SH3RF3: variants seen among roughly 807,000 people sequenced by gnomAD.
SH3RF3 encodes E3 ubiquitin-protein ligase SH3RF3.
A neutral mutation model predicts 66.3 loss-of-function variants in SH3RF3; 29 were observed. That is an observed-to-expected ratio of 0.44 (90% CI 0.33 to 0.60). The LOEUF is 0.60. SH3RF3 is among the 20% of genes least tolerant of loss of function. The probability of loss-of-function intolerance (pLI) is 0.04; values close to 1 mark genes in which losing one functional copy is unlikely to be tolerated. For missense variants in SH3RF3, 1,194 were observed against 1,190.9 expected (o/e 1.00, Z -0.04); for synonymous variants, 583 against 532.0 (o/e 1.10, Z -1.32).
At chr2:109,484,458 C>T (rs1017813023) in intron 8 of SH3RF3, among the ~76,000 whole-genome samples, 13 of 152,142 alleles carry the variant, frequency 8.5e-5, no homozygotes, top group African/African-American at 2.9e-4. Context: ...TTTACCTGTT[C>T]CACACCTCTG....
intron 1 of SH3RF3, among the ~76,000 whole-genome samples, chr2:109,211,824 G>A (rs1432522414): frequency 1.3e-5 from 2 of 152,002 alleles, no homozygotes; most frequent in East Asian, 1.9e-4. Flanking sequence ...TGTATTTTTA[G>A]GAGAGACAGG....
intron 1 of SH3RF3, among the ~76,000 whole-genome samples, chr2:109,247,752 A>C (rs1260109779): frequency 6.6e-6 from 1 of 152,190 alleles, no homozygotes; most frequent in African/African-American, 2.4e-5. Context: ...AGAAACCCAA[A>C]ACTTAGAGGC....
intron 1 of SH3RF3, 24 bp from the exon 2 acceptor site, chr2:109,347,650 C>A: frequency 6.2e-7 from 1 of 1,609,680 alleles, no homozygotes; most frequent in Non-Finnish European, 8.5e-7. Context: ...TGCCCGGTGA[C>A]CACATGCTGT....
At chr2:109,359,175 A>G (rs919642911) in intron 2 of SH3RF3, among the ~76,000 whole-genome samples, 2 of 152,032 alleles carry the variant, frequency 1.3e-5, no homozygotes, top group Non-Finnish European at 2.9e-5. Flanking sequence ...TGTCTTCATT[A>G]TTGTAACTTT....
intron 1 of SH3RF3, among the ~76,000 whole-genome samples, chr2:109,333,123 C>T (rs1682327927): frequency 6.6e-6 from 1 of 152,228 alleles, no homozygotes; most frequent in Non-Finnish European, 1.5e-5. Context: ...CCTCAGTTTC[C>T]AGCCCTAGCT....
chr2:109,444,532 T>C (rs1169710213), intron 7 of SH3RF3, among the ~76,000 whole-genome samples: 2 of 152,156 alleles, frequency 1.3e-5, no homozygotes. Context: ...GGATGGGCCA[T>C]ACTAAGCCTC....
At chr2:109,135,928 T>C (rs770766326) in intron 1 of SH3RF3, among the ~76,000 whole-genome samples, 23 of 152,162 alleles carry the variant, frequency 1.5e-4, no homozygotes, top group African/African-American at 4.6e-4. Context: ...GGGAGAATAA[T>C]CCTGCTCAGT....
intron 1 of SH3RF3, among the ~76,000 whole-genome samples, chr2:109,163,242 G>T (rs1677531530): frequency 6.6e-6 from 1 of 152,184 alleles, no homozygotes; most frequent in Non-Finnish European, 1.5e-5. Context: ...TTGGTGTGTG[G>T]TGTGTTGACT....
chr2:109,293,591 G>C (rs1037403676), intron 1 of SH3RF3, among the ~76,000 whole-genome samples: 1 of 152,238 alleles, frequency 6.6e-6, no homozygotes, highest in African/African-American at 2.4e-5. Context: ...GCCAACCTGG[G>C]AAGCCTCTTC....
chr2:109,379,493 TAA>T (rs1433166437), intron 3 of SH3RF3, among the ~76,000 whole-genome samples: 5 of 152,204 alleles, frequency 3.3e-5, no homozygotes, highest in Non-Finnish European at 7.3e-5. Context: ...CCGCTGCTTC[TAA>T]GAGTCAGGAC....
At chr2:109,331,451 C>T (rs1328197658) in intron 1 of SH3RF3, among the ~76,000 whole-genome samples, 1 of 152,030 alleles carries the variant, frequency 6.6e-6, no homozygotes, top group Non-Finnish European at 1.5e-5. Flanking sequence ...CTTCTCCCTG[C>T]CAGGAGCACT....
chr2:109,261,353 A>G (rs552588001), intron 1 of SH3RF3, among the ~76,000 whole-genome samples: 1 of 152,356 alleles, frequency 6.6e-6, no homozygotes, highest in Admixed American at 6.5e-5. Flanking sequence ...CAAGAGCTCT[A>G]GTTAATCATG....
chr2:109,368,332 C>A (rs957283314), intron 2 of SH3RF3, among the ~76,000 whole-genome samples: 2 of 152,168 alleles, frequency 1.3e-5, no homozygotes, highest in African/African-American at 4.8e-5. Flanking sequence ...GAAATACATT[C>A]CCCAGTTCAA....
Position 109,502,016 on chromosome 2 carries a change from G to A in SH3RF3, c.*345G>A. 8.3e-6 allele frequency: 2 copies of A among 242,168 alleles called. No homozygotes were observed. The highest frequency in any genetic ancestry group is 8.2e-6 in the Non-Finnish European group (1 of 121,282). The allele number at this position is 242,168 out of a possible 1,614,324, so 15.0% of individuals were successfully genotyped here. ...GCGTTCTCATTTACCACCTAAGCAGGGTTGGAGGTTGCAGGAGGTCTGCAG... is the reference window on the plus strand; with the variant it reads ...GCGTTCTCATTTACCACCTAAGCAGAGTTGGAGGTTGCAGGAGGTCTGCAG... On this transcript the variant is annotated 3_prime_UTR_variant, in exon 10 of 10. Coordinates refer to ENST00000309415, the MANE Select transcript of SH3RF3 (RefSeq NM_001099289.3).
chr2:109,286,479 C>CCGCA (rs758106669), intron 1 of SH3RF3, among the ~76,000 whole-genome samples: 2 of 152,294 alleles, frequency 1.3e-5, no homozygotes, highest in East Asian at 3.9e-4. Flanking sequence ...CACCACAGTC[C>CCGCA]CGCACAAGGC....
At chr2:109,398,554 T>C in intron 3 of SH3RF3, 36 bp from the exon 4 acceptor site, 5 of 1,506,396 alleles carry the variant, frequency 3.3e-6, no homozygotes, top group Non-Finnish European at 4.4e-6. Flanking sequence ...GTGACCATGA[T>C]TTAATGCAGC....
intron 1 of SH3RF3, among the ~76,000 whole-genome samples, chr2:109,147,762 A>G (rs1677134406): frequency 6.6e-6 from 1 of 152,218 alleles, no homozygotes; most frequent in South Asian, 2.1e-4. Flanking sequence ...CGAAGTTAAC[A>G]AGCAGTTGTT....
intron 1 of SH3RF3, among the ~76,000 whole-genome samples, chr2:109,256,251 C>T (rs961148934): frequency 7.2e-5 from 11 of 152,126 alleles, no homozygotes; most frequent in African/African-American, 2.2e-4. Context: ...ATGGACAGGT[C>T]GCGCATTGTT....
At chr2:109,347,218 C>T (rs868716853) in intron 1 of SH3RF3, among the ~76,000 whole-genome samples, 2 of 152,162 alleles carry the variant, frequency 1.3e-5, no homozygotes, top group Non-Finnish European at 2.9e-5. Flanking sequence ...GAAATAGGAG[C>T]CAGTGGAAAA....
Sources: allele counts gnomAD v4.1 joint callset (sites outside exome capture counted in the v4.1 genomes callset), GRCh38; gene constraint gnomAD v4.1.1; transcripts MANE v1.5; gene names NCBI Gene and HGNC (gene_info 2026-07-23, HGNC 2026-07-21).